Variants in MARK1 observed in about 807,000 individuals in gnomAD.
MARK1 encodes microtubule affinity regulating kinase 1, also known as serine/threonine-protein kinase MARK1.
In MARK1, 40 loss-of-function variants were observed where a neutral mutation model predicts 96.3. That is an observed-to-expected ratio of 0.42 (90% confidence interval 0.32 to 0.54). The LOEUF is 0.54. Ranked by LOEUF, MARK1 falls within the 20% of genes least tolerant of loss-of-function variation. The probability of loss-of-function intolerance (pLI) is 0.16; values close to 1 mark genes in which losing one functional copy is unlikely to be tolerated. For synonymous variants in MARK1, 317 were observed against 341.2 expected, an observed-to-expected ratio of 0.93 and a Z score of 0.78; for missense variants, 719 against 984.6, an observed-to-expected ratio of 0.73 and a Z score of 3.61.
chr1:220,546,988 GAAAAA>G (rs1661543522), intron 1 of MARK1, among the ~76,000 whole-genome samples: 2 of 123,790 alleles, frequency 1.6e-5, no homozygotes, highest in Non-Finnish European at 3.6e-5. Flanking sequence ...AAAAAAAAAA[GAAAAA>G]AGAAAAGAAA....
intron 11 of MARK1, 39 bp downstream of exon 11, chr1:220,632,352 C>A (rs781044591): frequency 2.2e-6 from 2 of 921,310 alleles, no homozygotes; most frequent in East Asian, 2.6e-5. Context: ...TGAATTATTT[C>A]TTGAGCTAAT....
intron 6 of MARK1, among the ~76,000 whole-genome samples, chr1:220,610,609 G>C (rs776501150): frequency 2.6e-5 from 4 of 152,186 alleles, no homozygotes; most frequent in Non-Finnish European, 5.9e-5. Flanking sequence ...AAGGAGCTGC[G>C]ATCCTTTGGA....
intron 9 of MARK1, among the ~76,000 whole-genome samples, chr1:220,623,135 A>G (rs1667133458): frequency 6.6e-6 from 1 of 152,084 alleles, no homozygotes; most frequent in South Asian, 2.1e-4. Context: ...GCTAGTTTCT[A>G]TGTCTAGTGC....
intron 9 of MARK1, among the ~76,000 whole-genome samples, chr1:220,624,160 T>C (rs1017235444): frequency 2.0e-5 from 3 of 151,090 alleles, no homozygotes; most frequent in Non-Finnish European, 2.9e-5. Flanking sequence ...TAGCTGGGCA[T>C]GGTGGCGAGC....
At chr1:220,589,757 T>C (rs2102873926) in intron 3 of MARK1, among the ~76,000 whole-genome samples, 1 of 152,332 alleles carries the variant, frequency 6.6e-6, no homozygotes, top group East Asian at 1.9e-4. Flanking sequence ...TTACATTTGC[T>C]AGCAACATTG....
In MARK1 at chr1:220,604,116, G is replaced by A. The variant is rs1215530822; in HGVS notation, c.474G>A (p.Glu158=). 1 of 1,611,204 alleles carries A rather than the reference G, an allele frequency of 6.2e-7. No homozygotes were observed. Among genetic ancestry groups the A allele is most frequent in the Admixed American group, 1.7e-5 (1 of 59,576 alleles). The change falls in exon 6 of 18, where the codon GAG becomes GAA. Residue 158 remains glutamate, a synonymous_variant. Transcript: ENST00000366917. ...LVAHGRMKEK[E]ARAKFRQIVS... ...CCCATGGAAGAATGAAAGAGAAAGA[G>A]GCCCGTGCAAAATTTAGGCAGGTAT...
At chr1:220,635,553 G>A (rs1558313624) in intron 12 of MARK1, 24 bp downstream of exon 12, 2 of 1,599,158 alleles carry the variant, frequency 1.3e-6, no homozygotes, top group Admixed American at 3.6e-5. Flanking sequence ...TCACATAAGT[G>A]AAGCAACACA....
At chr1:220,609,165 C>G (rs1402870782) in intron 6 of MARK1, among the ~76,000 whole-genome samples, 1 of 152,028 alleles carries the variant, frequency 6.6e-6, no homozygotes, top group African/African-American at 2.4e-5. Flanking sequence ...TTAAAGTCTC[C>G]CATTATTATT....
intron 1 of MARK1, among the ~76,000 whole-genome samples, chr1:220,568,643 C>T (rs1249976469): frequency 1.3e-5 from 2 of 152,128 alleles, no homozygotes; most frequent in Non-Finnish European, 2.9e-5. Context: ...ACTCCCGTTT[C>T]CCAGTCCCCT....
chr1:220,559,795 C>G (rs2102771556), intron 1 of MARK1, among the ~76,000 whole-genome samples: 1 of 152,054 alleles, frequency 6.6e-6, no homozygotes, highest in South Asian at 2.1e-4. Context: ...GATTAATGAA[C>G]CATAAAGCAA....
intron 11 of MARK1, among the ~76,000 whole-genome samples, chr1:220,633,920 G>A (rs1667807762): frequency 6.6e-6 from 1 of 152,168 alleles, no homozygotes; most frequent in Non-Finnish European, 1.5e-5. Context: ...GGAGAGATTT[G>A]AATAATTAAT....
chr1:220,657,516 A>T (rs1044196007), intron 16 of MARK1, among the ~76,000 whole-genome samples: 2 of 152,234 alleles, frequency 1.3e-5, no homozygotes, highest in African/African-American at 4.8e-5. Context: ...ACTTCAAATG[A>T]ATCATGGCTG....
At chr1:220,577,272 G>A (rs1663927697) in intron 1 of MARK1, among the ~76,000 whole-genome samples, 2 of 149,742 alleles carry the variant, frequency 1.3e-5, no homozygotes, top group African/African-American at 2.5e-5. Flanking sequence ...GTCTCAGGAA[G>A]AAAAAAAAAA....
At chr1:220,627,218 C>T (rs979668810) in intron 9 of MARK1, 8 of 477,720 alleles carry the variant, frequency 1.7e-5, no homozygotes, top group African/African-American at 8.0e-5. Flanking sequence ...AAATGGATCT[C>T]GATCTGTTCC....
chr1:220,644,461 C>CA lies in MARK1; in HGVS notation c.1471-6159_1471-6158insA, dbSNP rs1553337133. 1.8e-3 allele frequency among the ~76,000 whole-genome samples: 251 copies of CA among 135,936 alleles called. 2 individuals are homozygous for CA. The highest frequency in any genetic ancestry group is 2.7e-3 in the Non-Finnish European group (170 of 63,036). 89.2% of individuals were successfully genotyped at this position (135,936 alleles called of 152,430 possible). On this transcript the variant is annotated intron_variant, in intron 13 of 17. Coordinates refer to ENST00000366917, the MANE Select transcript of MARK1 (RefSeq NM_018650.5). ...CAAAGAGACTTAGACCCCCCCCCCC[C>CA]CACACACACACAATAATAGTGGAAG...
intron 1 of MARK1, among the ~76,000 whole-genome samples, chr1:220,556,929 A>G (rs1486825934): frequency 6.6e-6 from 1 of 152,220 alleles, no homozygotes; most frequent in Non-Finnish European, 1.5e-5. Flanking sequence ...AAGAAAGTGC[A>G]GCATTCATCT....
At chr1:220,644,902 A>C (rs1260498339) in intron 13 of MARK1, among the ~76,000 whole-genome samples, 2 of 152,338 alleles carry the variant, frequency 1.3e-5, no homozygotes, top group South Asian at 4.1e-4. Context: ...GCAGTGTACC[A>C]GAATTTCTGG....
intron 1 of MARK1, among the ~76,000 whole-genome samples, chr1:220,558,252 G>A (rs750140256): frequency 1.3e-5 from 2 of 150,706 alleles, no homozygotes; most frequent in Non-Finnish European, 3.0e-5. Context: ...GGATGGAAAT[G>A]GACTATTTTA....
At chr1:220,558,956 T>C (rs140243934) in intron 1 of MARK1, among the ~76,000 whole-genome samples, 16 of 152,250 alleles carry the variant, frequency 1.1e-4, no homozygotes, top group African/African-American at 3.9e-4. Flanking sequence ...AATAAGGAAT[T>C]GAAAATTAAT....
Sources: gnomAD v4.1 joint callset for allele counts (sites outside exome capture counted in the v4.1 genomes callset) on GRCh38, gnomAD v4.1.1 for gene constraint, MANE v1.5 for transcripts, NCBI Gene and HGNC (gene_info 2026-07-23, HGNC 2026-07-21) for gene names.